SLC5A12: variants seen among roughly 807,000 people sequenced by gnomAD.
The protein encoded by SLC5A12 is solute carrier family 5 member 12.
SLC5A12 carries 46 observed loss-of-function variants against 72.7 expected under a neutral mutation model. The ratio of observed to expected loss-of-function variants is 0.63; its 90% confidence interval spans 0.50 to 0.81. The LOEUF (loss-of-function observed/expected upper bound fraction) is 0.81. Ranked by LOEUF, SLC5A12 falls within the 30% of genes least tolerant of loss-of-function variation. SLC5A12 has a pLI of 0.00. For synonymous variants in SLC5A12, 275 were observed against 264.4 expected, an observed-to-expected ratio of 1.04 and a Z score of -0.39; for missense variants, 683 against 740.7, an observed-to-expected ratio of 0.92 and a Z score of 0.90.
chr11:26,706,799 A>T (rs867942160), intron 4 of SLC5A12, among the ~76,000 whole-genome samples: 47 of 150,654 alleles, frequency 3.1e-4, no homozygotes, highest in Non-Finnish European at 1.6e-4. Flanking sequence ...TCAAAATGGC[A>T]TATAATTATA....
At chr11:26,678,380 G>T (rs1386518006) in intron 13 of SLC5A12, among the ~76,000 whole-genome samples, 2 of 151,694 alleles carry the variant, frequency 1.3e-5, no homozygotes, top group Non-Finnish European at 2.9e-5. Flanking sequence ...GTTTGGTTGG[G>T]GTTTTTTTTG....
At chr11:26,712,924 G>A (rs1439025913) in intron 1 of SLC5A12, among the ~76,000 whole-genome samples, 1 of 152,078 alleles carries the variant, frequency 6.6e-6, no homozygotes, top group Non-Finnish European at 1.5e-5. Context: ...ATGATGATCA[G>A]AGAAGAGAAG....
chr11:26,702,824 C>T (rs1489827130), intron 6 of SLC5A12, among the ~76,000 whole-genome samples: 3 of 152,082 alleles, frequency 2.0e-5, no homozygotes, highest in African/African-American at 7.2e-5. Context: ...ATAAATGAAG[C>T]TTAACTTGGG....
intron 11 of SLC5A12, 139 bp downstream of exon 11, chr11:26,683,618 C>T: frequency 1.6e-6 from 1 of 624,762 alleles, no homozygotes; most frequent in Non-Finnish European, 2.8e-6. Context: ...GACAGGTAGA[C>T]TCAAGCTCTG....
At chr11:26,716,659 C>T (rs1321653836) in intron 1 of SLC5A12, among the ~76,000 whole-genome samples, 2 of 152,066 alleles carry the variant, frequency 1.3e-5, no homozygotes, top group Non-Finnish European at 2.9e-5. Context: ...GGTTCGAGCC[C>T]AAATAACATA....
At chr11:26,678,881 G>A in intron 12 of SLC5A12, 66 bp from the exon 13 acceptor site, 1 of 1,022,230 alleles carries the variant, frequency 9.8e-7, no homozygotes, top group East Asian at 2.5e-5. Flanking sequence ...GTAGAGGACT[G>A]CTCAGGATTC....
At position 26,678,832 on chromosome 11, in the gene SLC5A12, A is replaced by G. The variant is rs759985227; in HGVS notation, c.1476-17T>C. The G allele has an allele frequency of 2.6e-6, 4 of 1,556,812 alleles. No homozygotes were observed. Among genetic ancestry groups the G allele is most frequent in the Admixed American group, 3.4e-5 (2 of 58,684 alleles). ...ATTCCAGGTCTGTGGAGAACAGCACATGTCACCAATTCCATGCATCCTAAA... is the reference window on the plus strand; with the variant it reads ...ATTCCAGGTCTGTGGAGAACAGCACGTGTCACCAATTCCATGCATCCTAAA... On this transcript the variant is annotated splice_polypyrimidine_tract_variant and intron_variant, in intron 12 of 14. Transcript: ENST00000396005.
intron 9 of SLC5A12, 133 bp from the exon 10 acceptor site, chr11:26,686,677 C>T (rs1854543486): frequency 2.8e-6 from 2 of 710,960 alleles, no homozygotes; most frequent in Admixed American, 4.8e-5. Context: ...CCATCCTCCC[C>T]ATTCAGCCAT....
intron 9 of SLC5A12, among the ~76,000 whole-genome samples, chr11:26,688,629 GA>G (rs1472702860): frequency 6.6e-6 from 1 of 152,054 alleles, no homozygotes; most frequent in Non-Finnish European, 1.5e-5. Flanking sequence ...TTAGGAACCA[GA>G]AAAAAATAGT....
At position 26,696,896 on chromosome 11, in the gene SLC5A12, C is replaced by G. The variant is rs985438242; in HGVS notation, c.1040+268G>C. On this transcript the variant is annotated intron_variant, in intron 8 of 14. Transcript: ENST00000396005. Reference sequence around the variant, plus strand: ...CATAAAATTCTTGAGTCGGGACAGACCAAGGCTTACATCCAGCCCCTGCAG... The same window carrying G: ...CATAAAATTCTTGAGTCGGGACAGAGCAAGGCTTACATCCAGCCCCTGCAG... Among the ~76,000 whole-genome samples the G allele has an allele frequency of 5.3e-5, 8 of 152,124 alleles. No individual in the cohort carries two copies. The East Asian group carries it at 1.5e-3, about 29-fold the overall frequency.
rs7128384 is a variant in SLC5A12, at chr11:26,671,084, A to G, written c.*18T>C. On this transcript the variant is annotated 3_prime_UTR_variant, in exon 15 of 15. Transcript: ENST00000396005. ...GTGTGTATTGCACGTGTGTGTGTGC[A>G]TTCATACAGGTATTGCCTTAGAAAT... The G allele has an allele frequency of 0.28, 442,057 of 1,588,960 alleles. 63,457 individuals are homozygous for G. Among genetic ancestry groups the G allele is most frequent in the East Asian group, 0.42 (18,353 of 44,086 alleles).
At chr11:26,700,752 T>G (rs908368409) in intron 6 of SLC5A12, among the ~76,000 whole-genome samples, 8 of 152,158 alleles carry the variant, frequency 5.3e-5, no homozygotes, top group Non-Finnish European at 1.2e-4. Context: ...CACATGTAAG[T>G]GTCTCAGTAA....
intron 6 of SLC5A12, among the ~76,000 whole-genome samples, chr11:26,703,208 T>A (rs2133195040): frequency 6.6e-6 from 1 of 152,280 alleles, no homozygotes; most frequent in South Asian, 2.1e-4. Context: ...GGAAGAAATG[T>A]GAGCTATTTA....
intron 4 of SLC5A12, 37 bp from the exon 5 acceptor site, chr11:26,703,984 A>G (rs774168201): frequency 6.2e-7 from 1 of 1,610,120 alleles, no homozygotes; most frequent in Admixed American, 1.7e-5. Context: ...TTGAAAACAA[A>G]CCCTGTAACT....
rs1854069723 is a variant in SLC5A12 at position 26,669,163 on chromosome 11, G to GTTCTT, written c.*1938_*1939insAAGAA. The GTTCTT allele has an allele frequency of 1.7e-5, 1 of 57,618 alleles. No individual in the cohort carries two copies. 3.6% of individuals were successfully genotyped at this position (57,618 alleles called of 1,614,324 possible). A position where few individuals can be genotyped will look rare whatever the true frequency, so the allele number is the denominator to read the frequency against. ...TTTCTGTCTCTCTCTTCCTCTTCCT[G>GTTCTT]TCTTTTTCTTTCTTTCTTTCTTCTT... is the stretch of plus-strand genomic sequence containing the variant. On this transcript the variant is annotated 3_prime_UTR_variant, in exon 15 of 15. Coordinates refer to ENST00000396005, the MANE Select transcript of SLC5A12 (RefSeq NM_178498.4).
chr11:26,698,266 A>T, intron 7 of SLC5A12, 140 bp downstream of exon 7: 1 of 1,094,800 alleles, frequency 9.1e-7, no homozygotes, highest in Non-Finnish European at 1.3e-6. Context: ...ATCACCCAAG[A>T]GAAGAAAGAA....
intron 13 of SLC5A12, 44 bp downstream of exon 13, chr11:26,678,667 GA>G: frequency 7.2e-7 from 1 of 1,390,288 alleles, no homozygotes; most frequent in Non-Finnish European, 1.0e-6. Flanking sequence ...ATGCATGCAT[GA>G]GCCCATATCT....
chr11:26,683,775 G>C lies in SLC5A12; in HGVS notation c.1290C>G (p.Phe430Leu), dbSNP rs760672532. ...MLGLFSLGIV[F>L]PFVNWKGALG... is the part of the protein sequence containing the mutation. ...TCCTTACCTTCCAATTCACAAAAGG[G>C]AACACGATTCCCAGGGAGAATAAGC... is the stretch of plus-strand genomic sequence containing the variant. The change falls in exon 11 of 15, where the codon TTC becomes TTG. Residue 430 changes from phenylalanine to leucine, a missense_variant. Coordinates refer to ENST00000396005, the MANE Select transcript of SLC5A12 (RefSeq NM_178498.4). The C allele has an allele frequency of 6.3e-7, 1 of 1,592,670 alleles. No homozygotes were observed. Among genetic ancestry groups the C allele is most frequent in the Non-Finnish European group, 8.6e-7 (1 of 1,169,472 alleles).
rs1309954906 is a variant in SLC5A12 at position 26,683,873 on chromosome 11, C to T, written c.1222-30G>A. On this transcript the variant is annotated intron_variant, in intron 10 of 14. Transcript: ENST00000396005. ...GGAACAAAGGCAGACCAGATGAATC[C>T]CCTACTCAAGGGCATCTGTGACTTC... The T allele has an allele frequency of 1.9e-6, 3 of 1,553,878 alleles. No homozygotes were observed. The Admixed American group carries it at 5.6e-5, about 29-fold the overall frequency.
Sources: allele counts gnomAD v4.1 joint callset (sites outside exome capture counted in the v4.1 genomes callset), GRCh38; gene constraint gnomAD v4.1.1; transcripts MANE v1.5; gene names NCBI Gene and HGNC (gene_info 2026-07-23, HGNC 2026-07-21).